The following FGF23 variants were observed in gnomAD, a reference collection of about 807,000 sequenced individuals.
FGF23 encodes fibroblast growth factor 23.
FGF23 carries 8 observed loss-of-function variants against 9.0 expected under a neutral mutation model. The ratio of observed to expected loss-of-function variants is 0.89; its 90% CI spans 0.52 to 1.60. The LOEUF (loss-of-function observed/expected upper bound fraction) is 1.60, where lower values mean the gene tolerates loss of function less well. FGF23 is among the 40% of genes most tolerant of loss of function. The pLI, the probability that FGF23 is intolerant of heterozygous loss-of-function variation, is 0.00. For missense variants in FGF23, 311 were observed against 344.3 expected (o/e 0.90, Z 0.77); for synonymous variants, 118 against 146.2 (o/e 0.81, Z 1.39).
rs756079373 is a variant in FGF23 at position 4,370,343 on chromosome 12, C to G, written c.756G>C (p.Ter252TyrextTer32). 1.7e-5 allele frequency: 27 copies of G among 1,613,066 alleles called. No individual in the cohort carries two copies. In the East Asian group the frequency reaches 5.3e-4, roughly 32 times the overall value. Residue 252 changes from the stop codon to tyrosine, a stop_lost, in exon 3 of 3, where the codon TAG becomes TAC. Transcript: ENST00000237837. ...EGCRPFAKFI[*>Y] ...TAAAGAGGGTGCCCTTCCAGCGACCCTAGATGAACTTGGCGAAGGGGCGGC... is the reference window on the plus strand; with the variant it reads ...TAAAGAGGGTGCCCTTCCAGCGACCGTAGATGAACTTGGCGAAGGGGCGGC...
intron 1 of FGF23, among the ~76,000 whole-genome samples, chr12:4,377,540 C>A (rs1865131358): frequency 7.2e-6 from 1 of 138,310 alleles, no homozygotes; most frequent in African/African-American, 2.6e-5. Context: ...ACGCCATTCT[C>A]CTGCCTCAGC....
At chr12:4,373,983 AT>A (rs1158722048) in intron 1 of FGF23, among the ~76,000 whole-genome samples, 1 of 152,098 alleles carries the variant, frequency 6.6e-6, no homozygotes, top group African/African-American at 2.4e-5. Flanking sequence ...TGTGGGGGTG[AT>A]TTAAAGGCCA....
In FGF23 at chr12:4,379,639, C is replaced by G; in HGVS notation, c.-57G>C. ...TTGAAACCTGACACTCCTGTCGGGA[C>G]TCTCCTGGCCCAGGCCTTACTGGCC... is the stretch of plus-strand genomic sequence containing the variant. On this transcript the variant is annotated 5_prime_UTR_variant, in exon 1 of 3. Transcript: ENST00000237837. 6.9e-7 allele frequency: 1 copy of G among 1,443,446 alleles called. No individual in the cohort carries two copies. Among genetic ancestry groups the G allele is most frequent in the South Asian group, 1.2e-5 (1 of 82,876 alleles). The allele number at this position is 1,443,446 out of a possible 1,614,324, so 89.4% of individuals were successfully genotyped here. A position where few individuals can be genotyped will look rare whatever the true frequency, so the allele number is the denominator to read the frequency against.
intron 1 of FGF23, among the ~76,000 whole-genome samples, chr12:4,376,931 A>G (rs907819050): frequency 6.6e-6 from 1 of 152,126 alleles, no homozygotes; most frequent in African/African-American, 2.4e-5. Flanking sequence ...ATAGACTAGG[A>G]AAAGTAGATC....
At position 4,370,781 on chromosome 12, in the gene FGF23, G is replaced by C. The variant is rs373195638; in HGVS notation, c.318C>G (p.His106Gln). The C allele has an allele frequency of 6.2e-7, 1 of 1,613,802 alleles. No individual in the cohort carries two copies. Among genetic ancestry groups the C allele is most frequent in the South Asian group, 1.1e-5 (1 of 91,082 alleles). Residue 106 changes from histidine (H) to glutamine (Q), a missense_variant and splice_region_variant, in exon 3 of 3, where the codon CAC (histidine) becomes CAG (glutamine). His to Gln is a conservative substitution (Grantham distance 24). Around this residue, in one of 3 missense-constraint regions of FGF23, gnomAD observed 206 missense variants for 219.2 expected, o/e 0.94. Transcript: ENST00000237837. ...ACCTGCAGTTCTCCGGGTCGAAATA[G>C]TGCTGGAAGGACAAGAGCGAACCAC... ...MDFRGNIFGS[H>Q]YFDPENCRFQ... is the part of the protein sequence containing the mutation.
chr12:4,378,526 A>G (rs956674706), intron 1 of FGF23, among the ~76,000 whole-genome samples: 2 of 152,190 alleles, frequency 1.3e-5, no homozygotes, highest in Admixed American at 6.5e-5. Context: ...TTGCTAATGG[A>G]TTGATTATTG....
chr12:4,375,416 C>G (rs1865107161), intron 1 of FGF23, among the ~76,000 whole-genome samples: 1 of 152,192 alleles, frequency 6.6e-6, no homozygotes, highest in African/African-American at 2.4e-5. Context: ...ACTCTTCCAT[C>G]AAACAGTGTG....
intron 1 of FGF23, among the ~76,000 whole-genome samples, chr12:4,377,963 A>G (rs1389727611): frequency 6.6e-6 from 1 of 152,196 alleles, no homozygotes; most frequent in Non-Finnish European, 1.5e-5. Context: ...CATCAAGTGT[A>G]TCCAGATTTA....
Position 4,370,611 on chromosome 12 carries a change from T to G in FGF23, c.488A>C (p.Glu163Ala), listed in dbSNP as rs1490196975. The change falls in exon 3 of 3, where the codon GAG (glutamate) becomes GCG (alanine). Residue 163 changes from glutamate (E) to alanine (A), a missense_variant. By Grantham distance (107) the Glu-to-Ala change is moderately radical. Coordinates refer to ENST00000237837, the MANE Select transcript of FGF23 (RefSeq NM_020638.3). ...GGTGTTGAAGTGAATTAGGGGGATC[T>G]CGTTCCTCCGGGACAGGAACTGGGA... The part of the protein sequence containing the change: ...PYSQFLSRRN[E>A]IPLIHFNTPI... The G allele has an allele frequency of 1.9e-6, 3 of 1,614,006 alleles. No individual in the cohort carries two copies. Among genetic ancestry groups the G allele is most frequent in the Admixed American group, 1.7e-5 (1 of 60,022 alleles).
At chr12:4,377,660 G>A (rs561223244) in intron 1 of FGF23, among the ~76,000 whole-genome samples, 1 of 150,258 alleles carries the variant, frequency 6.7e-6, no homozygotes, top group Non-Finnish European at 1.5e-5. Context: ...TCAATCTCCT[G>A]ACCTCGTGAT....
chr12:4,368,879 A>G lies in FGF23; in HGVS notation c.*1464T>C, dbSNP rs144700678. Reference sequence around the variant, plus strand: ...CATCAGGTAAAAACAGTTGCCCAACATTTCTCTCATAACCAAAAAGAATAG... The same window carrying G: ...CATCAGGTAAAAACAGTTGCCCAACGTTTCTCTCATAACCAAAAAGAATAG... On this transcript the variant is annotated 3_prime_UTR_variant, in exon 3 of 3. Coordinates refer to ENST00000237837, the MANE Select transcript of FGF23 (RefSeq NM_020638.3). 2.7e-3 allele frequency: 594 copies of G among 220,286 alleles called. 7 individuals are homozygous for G. The highest frequency in any genetic ancestry group is 0.012 in the African/African-American group (525 of 44,756). The allele number at this position is 220,286 out of a possible 1,614,324, so 13.6% of individuals were successfully genotyped here. A position where few individuals can be genotyped will look rare whatever the true frequency, so the allele number is the denominator to read the frequency against.
At chr12:4,374,986 G>A (rs1865102551) in intron 1 of FGF23, among the ~76,000 whole-genome samples, 1 of 152,156 alleles carries the variant, frequency 6.6e-6, no homozygotes, top group South Asian at 2.1e-4. Flanking sequence ...AGGCAGTGAG[G>A]ACAAGGAGTC....
chr12:4,374,111 G>A (rs761618683), intron 1 of FGF23, among the ~76,000 whole-genome samples: 2 of 152,126 alleles, frequency 1.3e-5, no homozygotes, highest in Admixed American at 6.5e-5. Flanking sequence ...GGACTGACGC[G>A]GAACAGAGGG....
At chr12:4,377,258 T>G (rs922610157) in intron 1 of FGF23, among the ~76,000 whole-genome samples, 1 of 152,056 alleles carries the variant, frequency 6.6e-6, no homozygotes, top group Non-Finnish European at 1.5e-5. Flanking sequence ...ACCCTAATTC[T>G]TGTTCAGGAA....
In FGF23 at chr12:4,370,802, A is replaced by C; in HGVS notation, c.316-19T>G. 1 of 1,612,530 alleles carries C rather than the reference A, an allele frequency of 6.2e-7. No individual in the cohort carries two copies. The highest frequency in any genetic ancestry group is 1.3e-5 in the African/African-American group (1 of 75,010). On this transcript the variant is annotated intron_variant, in intron 2 of 2. Transcript: ENST00000237837. ...AATAGTGCTGGAAGGACAAGAGCGA[A>C]CCACGTGAAGGCTGGCAGTGGGGGC...
rs1056880193 is a variant in FGF23, at chr12:4,379,658, A to T, written c.-76T>A. The T allele has an allele frequency of 1.5e-6, 2 of 1,291,504 alleles. No individual in the cohort carries two copies. Among genetic ancestry groups the T allele is most frequent in the East Asian group, 2.5e-5 (1 of 39,902 alleles). The allele number at this position is 1,291,504 out of a possible 1,614,324, so 80.0% of individuals were successfully genotyped here. A position where few individuals can be genotyped will look rare whatever the true frequency, so the allele number is the denominator to read the frequency against. ...TCGGGACTCTCCTGGCCCAGGCCTT[A>T]CTGGCCTTTTCCTTCTCCCTTGCAA... On this transcript the variant is annotated 5_prime_UTR_variant, in exon 1 of 3. Coordinates refer to ENST00000237837, the MANE Select transcript of FGF23 (RefSeq NM_020638.3).
rs373361362 is a variant in FGF23, at chr12:4,372,700, A to G, written c.212-3T>C. On this transcript the variant is annotated splice_region_variant and splice_polypyrimidine_tract_variant and intron_variant, in intron 1 of 2. Coordinates refer to ENST00000237837, the MANE Select transcript of FGF23 (RefSeq NM_020638.3). ...CTCTGATCTGATCATCAGGGCACCT[A>G]TGGAGAAAAACAGGCAGGGCAAAGA... 61 of 1,602,298 alleles carry G rather than the reference A, an allele frequency of 3.8e-5. No homozygotes were observed. Among genetic ancestry groups the G allele is most frequent in the South Asian group, 7.7e-5 (7 of 90,782 alleles).
At chr12:4,377,681 C>T (rs1171298623) in intron 1 of FGF23, among the ~76,000 whole-genome samples, 1 of 143,862 alleles carries the variant, frequency 7.0e-6, no homozygotes, top group Non-Finnish European at 1.5e-5. Flanking sequence ...CTGCCTGCCT[C>T]GGCCTCCCAG....
chr12:4,368,539 A>G lies in FGF23; in HGVS notation c.*1804T>C, dbSNP rs1025895715. ...TAAATATCTATAAATATAGAAGGAT[A>G]GGCAAACTTCCAAATAAATAAATAA... On this transcript the variant is annotated 3_prime_UTR_variant, in exon 3 of 3. Coordinates refer to ENST00000237837, the MANE Select transcript of FGF23 (RefSeq NM_020638.3). The G allele has an allele frequency of 5.4e-6, 1 of 186,372 alleles. No homozygotes were observed. The highest frequency in any genetic ancestry group is 1.1e-5 in the Non-Finnish European group (1 of 88,274). 11.5% of individuals were successfully genotyped at this position (186,372 alleles called of 1,614,324 possible).
Sources: allele counts gnomAD v4.1 joint callset (sites outside exome capture counted in the v4.1 genomes callset), GRCh38; gene constraint gnomAD v4.1.1; regional missense constraint gnomAD v4.1.1; transcripts MANE v1.5; gene names NCBI Gene and HGNC (gene_info 2026-07-23, HGNC 2026-07-21).